Variants in CDH18 observed in about 807,000 individuals in gnomAD.
CDH18 encodes the protein cadherin-18.
A neutral mutation model predicts 67.9 loss-of-function variants in CDH18; 31 were observed. That is an observed-to-expected ratio of 0.46 (90% CI 0.34 to 0.62). The LOEUF (loss-of-function observed/expected upper bound fraction) is 0.62, where lower values mean the gene tolerates loss of function less well. CDH18 is among the 20% of genes least tolerant of loss of function. The pLI, the probability that CDH18 is intolerant of heterozygous loss-of-function variation, is 0.01. For missense variants in CDH18, 890 were observed against 975.5 expected (o/e 0.91, Z 1.17); for synonymous variants, 362 against 347.2 (o/e 1.04, Z -0.48).
intron 2 of CDH18, among the ~76,000 whole-genome samples, chr5:20,125,832 C>G (rs1034872218): frequency 1.9e-4 from 29 of 152,014 alleles, no homozygotes; most frequent in African/African-American, 7.0e-4. Flanking sequence ...TCCAAGGACT[C>G]AATACCACAA....
At chr5:20,428,774 T>TACACA (rs1748519802) in intron 1 of CDH18, among the ~76,000 whole-genome samples, 1 of 152,202 alleles carries the variant, frequency 6.6e-6, no homozygotes, top group Non-Finnish European at 1.5e-5. Context: ...GGACCACAAA[T>TACACA]AATCTGCGTT....
chr5:20,436,128 T>C (rs1328319764), intron 1 of CDH18, among the ~76,000 whole-genome samples: 1 of 152,030 alleles, frequency 6.6e-6, no homozygotes, highest in Non-Finnish European at 1.5e-5. Context: ...CACTACTACA[T>C]ACTATATAGT....
chr5:19,903,390 C>G (rs977174067), intron 2 of CDH18, among the ~76,000 whole-genome samples: 4 of 151,442 alleles, frequency 2.6e-5, no homozygotes, highest in African/African-American at 7.3e-5. Flanking sequence ...TCCTCCCTCC[C>G]TCCAGAATAA....
chr5:20,017,004 T>C (rs575569105), intron 2 of CDH18, among the ~76,000 whole-genome samples: 1 of 152,210 alleles, frequency 6.6e-6, no homozygotes, highest in Non-Finnish European at 1.5e-5. Context: ...AATAGCATGA[T>C]CAAATAAAGA....
intron 1 of CDH18, among the ~76,000 whole-genome samples, chr5:20,258,692 G>T (rs1481660941): frequency 1.3e-5 from 2 of 151,900 alleles, no homozygotes; most frequent in Non-Finnish European, 2.9e-5. Context: ...CTTACAACAT[G>T]GATGGTTTTG....
At chr5:20,233,623 TAC>T (rs1463812947) in intron 2 of CDH18, among the ~76,000 whole-genome samples, 3 of 152,092 alleles carry the variant, frequency 2.0e-5, no homozygotes, top group Non-Finnish European at 4.4e-5. Context: ...TATATACATA[TAC>T]ACACACAGAC....
intron 12 of CDH18, among the ~76,000 whole-genome samples, chr5:19,476,202 G>A (rs1203464789): frequency 6.6e-6 from 1 of 151,964 alleles, no homozygotes; most frequent in Non-Finnish European, 1.5e-5. Context: ...ATCCAGAAAC[G>A]TGTGAAATGA....
At chr5:19,800,637 G>C (rs1270064668) in intron 3 of CDH18, among the ~76,000 whole-genome samples, 1 of 152,068 alleles carries the variant, frequency 6.6e-6, no homozygotes, top group African/African-American at 2.4e-5. Flanking sequence ...AACACTATGA[G>C]GACAAGGGAA....
At chr5:20,004,731 A>T (rs774460009) in intron 2 of CDH18, among the ~76,000 whole-genome samples, 1 of 152,262 alleles carries the variant, frequency 6.6e-6, no homozygotes, top group African/African-American at 2.4e-5. Flanking sequence ...ACTACAGAAC[A>T]CATTGTTGAT....
At chr5:20,372,948 T>A (rs75549375) in intron 1 of CDH18, among the ~76,000 whole-genome samples, 1 of 152,170 alleles carries the variant, frequency 6.6e-6, no homozygotes, top group Admixed American at 6.5e-5. Context: ...TTAAGGATGT[T>A]TTCTCAAAAT....
chr5:20,420,540 A>G (rs922958944), intron 1 of CDH18, among the ~76,000 whole-genome samples: 2 of 151,224 alleles, frequency 1.3e-5, no homozygotes, highest in South Asian at 4.1e-4. Flanking sequence ...ACTGATAAAT[A>G]CTTGTGAAAT....
Position 19,737,262 on chromosome 5 carries a change from T to C in CDH18, c.523+9680A>G, listed in dbSNP as rs16888243. Among the ~76,000 whole-genome samples the C allele has an allele frequency of 9.2e-3, 1,399 of 152,290 alleles. 43 individuals carry two copies. Among genetic ancestry groups the C allele is most frequent in the East Asian group, 0.068 (349 of 5,156 alleles). ...ACCCAATCACTGTGTAGTCATTCTATACCCAATTGCTGTATCTTCTCACTA... is the reference window on the plus strand; with the variant it reads ...ACCCAATCACTGTGTAGTCATTCTACACCCAATTGCTGTATCTTCTCACTA... On this transcript the variant is annotated intron_variant, in intron 4 of 12. Transcript: ENST00000382275.
chr5:19,914,560 A>G (rs920111134), intron 2 of CDH18, among the ~76,000 whole-genome samples: 1 of 152,062 alleles, frequency 6.6e-6, no homozygotes, highest in Non-Finnish European at 1.5e-5. Context: ...CTCTCTTTAC[A>G]TATATGTATG....
chr5:20,502,245 T>C (rs1754379929), intron 1 of CDH18, among the ~76,000 whole-genome samples: 1 of 152,228 alleles, frequency 6.6e-6, no homozygotes, highest in African/African-American at 2.4e-5. Flanking sequence ...GGATTACTTG[T>C]TTCTAAATCA....
intron 1 of CDH18, among the ~76,000 whole-genome samples, chr5:20,381,188 A>G (rs1743881913): frequency 6.6e-6 from 1 of 152,182 alleles, no homozygotes; most frequent in Non-Finnish European, 1.5e-5. Flanking sequence ...ACCCGTCAGT[A>G]TCTTGATTTT....
chr5:19,698,288 C>G (rs914954711), intron 5 of CDH18, among the ~76,000 whole-genome samples: 12 of 151,946 alleles, frequency 7.9e-5, no homozygotes, highest in Non-Finnish European at 1.0e-4. Flanking sequence ...AAAGCATTAT[C>G]ATTTTATGAG....
intron 1 of CDH18, among the ~76,000 whole-genome samples, chr5:20,421,391 T>G (rs929976796): frequency 1.3e-5 from 2 of 150,352 alleles, no homozygotes; most frequent in African/African-American, 5.0e-5. Context: ...CTCTTTCAGA[T>G]GGAGGGAAGC....
chr5:20,063,595 A>G (rs1051987305), intron 2 of CDH18, among the ~76,000 whole-genome samples: 3 of 152,148 alleles, frequency 2.0e-5, no homozygotes, highest in Non-Finnish European at 2.9e-5. Context: ...AATTGTAATC[A>G]GTTGTTTAAT....
chr5:19,485,791 C>T (rs1182250089), intron 11 of CDH18, among the ~76,000 whole-genome samples: 1 of 152,094 alleles, frequency 6.6e-6, no homozygotes, highest in Non-Finnish European at 1.5e-5. Flanking sequence ...TACAGCTGCT[C>T]CTCTGAAAAA....
Sources: allele counts gnomAD v4.1 joint callset (sites outside exome capture counted in the v4.1 genomes callset), GRCh38; gene constraint gnomAD v4.1.1; transcripts MANE v1.5; gene names NCBI Gene and HGNC (gene_info 2026-07-23, HGNC 2026-07-21).